FOXP2: variants seen among roughly 807,000 people sequenced by gnomAD.
The protein encoded by FOXP2 is forkhead box P2.
FOXP2 carries 12 observed loss-of-function variants against 115.8 expected under a neutral mutation model. The observed-to-expected ratio is 0.10, with a 90% CI of 0.07 to 0.17. The LOEUF is 0.17. Ranked by LOEUF, FOXP2 falls within the 10% of genes least tolerant of loss-of-function variation. The probability of loss-of-function intolerance (pLI) is 1.00; values close to 1 mark genes in which losing one functional copy is unlikely to be tolerated. For synonymous variants in FOXP2, 328 were observed against 297.7 expected, an observed-to-expected ratio of 1.10 and a Z score of -1.05; for missense variants, 629 against 843.5, an observed-to-expected ratio of 0.75 and a Z score of 3.15.
intron 3 of FOXP2, among the ~76,000 whole-genome samples, chr7:114,600,279 G>A (rs1802951449): frequency 6.6e-6 from 1 of 152,080 alleles, no homozygotes; most frequent in Non-Finnish European, 1.5e-5. Context: ...ACAATATGCA[G>A]CCTTTTCAAA....
intron 3 of FOXP2, among the ~76,000 whole-genome samples, chr7:114,622,215 G>A (rs376098945): frequency 1.3e-4 from 20 of 151,896 alleles, no homozygotes; most frequent in South Asian, 4.2e-4. Context: ...GCTTATTACC[G>A]TTAGCCCTTC....
intron 16 of FOXP2, among the ~76,000 whole-genome samples, chr7:114,675,028 A>T (rs1439339876): frequency 6.6e-6 from 1 of 152,090 alleles, no homozygotes; most frequent in Non-Finnish European, 1.5e-5. Flanking sequence ...TGATATGTTA[A>T]ATAAACTAAA....
chr7:114,299,115 C>G (rs1796817705), intron 2 of FOXP2, among the ~76,000 whole-genome samples: 1 of 151,792 alleles, frequency 6.6e-6, no homozygotes, highest in African/African-American at 2.4e-5. Flanking sequence ...CAAAAATATA[C>G]TAAAACTTAA....
chr7:114,599,858 A>G (rs1802927861), intron 3 of FOXP2, among the ~76,000 whole-genome samples: 1 of 152,096 alleles, frequency 6.6e-6, no homozygotes, highest in Non-Finnish European at 1.5e-5. Flanking sequence ...AAAAAAATTA[A>G]TAGACTTTAG....
chr7:114,540,265 T>C (rs987713952), intron 3 of FOXP2, among the ~76,000 whole-genome samples: 2 of 151,998 alleles, frequency 1.3e-5, no homozygotes, highest in Non-Finnish European at 2.9e-5. Context: ...TCTCCAAACA[T>C]AAACTTATAT....
chr7:114,463,065 G>A (rs185240672), intron 2 of FOXP2: 1 of 432,896 alleles, frequency 2.3e-6, no homozygotes, highest in Non-Finnish European at 4.6e-6. Flanking sequence ...GTCTTGTTCT[G>A]TTTCCCAGGC....
intron 1 of FOXP2, among the ~76,000 whole-genome samples, chr7:114,273,608 C>A (rs1796117834): frequency 6.6e-6 from 1 of 152,018 alleles, no homozygotes; most frequent in African/African-American, 2.4e-5. Context: ...CAATTTCCAC[C>A]CCCACATAGT....
At chr7:114,095,025 A>G (rs1223087783) in intron 1 of FOXP2, among the ~76,000 whole-genome samples, 1 of 152,146 alleles carries the variant, frequency 6.6e-6, no homozygotes, top group Non-Finnish European at 1.5e-5. Flanking sequence ...ACATTAAAGG[A>G]CATGTATGAT....
At chr7:114,138,481 T>TCC (rs1445424406) in intron 1 of FOXP2, among the ~76,000 whole-genome samples, 41 of 150,038 alleles carry the variant, frequency 2.7e-4, no homozygotes, top group Admixed American at 2.7e-3. Flanking sequence ...AACCTCTGCC[T>TCC]CCCGGGTTCA....
At chr7:114,240,978 A>G (rs1795137238) in intron 1 of FOXP2, among the ~76,000 whole-genome samples, 1 of 152,002 alleles carries the variant, frequency 6.6e-6, no homozygotes, top group Admixed American at 6.5e-5. Flanking sequence ...TTAATCATAT[A>G]AAGATGTCAA....
At chr7:114,328,394 G>T (rs1048028345) in intron 2 of FOXP2, among the ~76,000 whole-genome samples, 1 of 151,738 alleles carries the variant, frequency 6.6e-6, no homozygotes, top group East Asian at 1.9e-4. Context: ...CCGCCACCAC[G>T]CCCGGCAAAT....
At chr7:114,312,630 G>C (rs968961774) in intron 2 of FOXP2, among the ~76,000 whole-genome samples, 4 of 152,154 alleles carry the variant, frequency 2.6e-5, no homozygotes, top group Non-Finnish European at 5.9e-5. Flanking sequence ...TGAGATGTCA[G>C]GGTCAGAGTC....
At chr7:114,563,821 G>C (rs1316789888) in intron 3 of FOXP2, among the ~76,000 whole-genome samples, 2 of 152,070 alleles carry the variant, frequency 1.3e-5, no homozygotes, top group African/African-American at 4.8e-5. Flanking sequence ...AATCGTCTTT[G>C]TTTCTACTGT....
At chr7:114,491,449 T>C (rs1231641438) in intron 2 of FOXP2, among the ~76,000 whole-genome samples, 2 of 152,044 alleles carry the variant, frequency 1.3e-5, no homozygotes, top group African/African-American at 2.4e-5. Context: ...TCTCCCATTC[T>C]GTAGGTTGCC....
intron 2 of FOXP2, among the ~76,000 whole-genome samples, chr7:114,458,163 G>A (rs2129223083): frequency 6.6e-6 from 1 of 152,232 alleles, no homozygotes. Flanking sequence ...TATGGGTATT[G>A]CTTATCTGTG....
At chr7:114,295,174 T>C (rs1310080574) in intron 2 of FOXP2, among the ~76,000 whole-genome samples, 1 of 152,212 alleles carries the variant, frequency 6.6e-6, no homozygotes, top group African/African-American at 2.4e-5. Flanking sequence ...TCAATTCAAC[T>C]GAACATTAAG....
intron 1 of FOXP2, among the ~76,000 whole-genome samples, chr7:114,102,109 G>A (rs895966850): frequency 6.6e-6 from 1 of 151,768 alleles, no homozygotes; most frequent in Admixed American, 6.6e-5. Flanking sequence ...CTCATTTTGA[G>A]CATTTATTAA....
chr7:114,126,275 A>T (rs879309243), intron 1 of FOXP2, among the ~76,000 whole-genome samples: 1 of 152,016 alleles, frequency 6.6e-6, no homozygotes, highest in Non-Finnish European at 1.5e-5. Context: ...ATTTATATAA[A>T]CATTCAAAAC....
chr7:114,405,083 A>G (rs2129197462), intron 2 of FOXP2, among the ~76,000 whole-genome samples: 1 of 152,080 alleles, frequency 6.6e-6, no homozygotes, highest in Middle Eastern at 3.4e-3. Flanking sequence ...TTGTTAAAGT[A>G]GGATGGATTC....
Sources: gnomAD v4.1 joint callset for allele counts (sites outside exome capture counted in the v4.1 genomes callset) on GRCh38, gnomAD v4.1.1 for gene constraint, MANE v1.5 for transcripts, NCBI Gene and HGNC (gene_info 2026-07-23, HGNC 2026-07-21) for gene names.